The following PSMD6 variants were observed in gnomAD, a reference collection of about 807,000 sequenced individuals.
PSMD6 encodes proteasome 26S subunit, non-ATPase 6, also known as 26S proteasome non-ATPase regulatory subunit 6.
Under a neutral mutation model 44.9 loss-of-function variants are expected in PSMD6, and 7 were observed. The observed-to-expected ratio is 0.16, with a 90% CI of 0.09 to 0.29. The LOEUF is 0.29. Among genes scored for constraint, PSMD6 ranks in the 10% least tolerant of loss-of-function variants. The probability of loss-of-function intolerance (pLI) is 1.00; values close to 1 mark genes in which losing one functional copy is unlikely to be tolerated. For missense variants in PSMD6, 420 were observed against 482.6 expected (o/e 0.87, Z 1.21); for synonymous variants, 184 against 172.7 (o/e 1.07, Z -0.51).
At chr3:64,012,729 C>T (rs965217047) in intron 6 of PSMD6, 3 of 152,328 alleles carry the variant, frequency 2.0e-5, no homozygotes, top group African/African-American at 7.2e-5. Flanking sequence ...TTTTCTATTC[C>T]CTTTTCTGCA....
chr3:64,010,890 A>G lies in PSMD6; in HGVS notation c.1061T>C (p.Val354Ala). ...HCKIDKVNEI[V>A]ETNRPDSKNW... Reference sequence around the variant, plus strand: ...GAAATGAGAGTACCTGTTGGTTTCTACTATTTCATTCACTTTATCTATTTT... The same window carrying G: ...GAAATGAGAGTACCTGTTGGTTTCTGCTATTTCATTCACTTTATCTATTTT... Residue 354 changes from valine (V) to alanine (A), a missense_variant, in exon 7 of 8, where the codon GTA (valine) becomes GCA (alanine). Coordinates refer to ENST00000295901, the MANE Select transcript of PSMD6 (RefSeq NM_014814.3). The G allele has an allele frequency of 7.5e-6, 12 of 1,610,062 alleles. No individual in the cohort carries two copies. Among genetic ancestry groups the G allele is most frequent in the Non-Finnish European group, 1.0e-5 (12 of 1,177,216 alleles).
At chr3:64,013,680 C>G in intron 5 of PSMD6, 73 bp from the exon 6 acceptor site, 2 of 1,357,418 alleles carry the variant, frequency 1.5e-6, no homozygotes, top group Non-Finnish European at 9.9e-7. Flanking sequence ...TAAAGCAACA[C>G]TACTAGTTGA....
chr3:64,023,178 G>A (rs546457011), intron 1 of PSMD6, 97 bp downstream of exon 1: 14 of 1,442,704 alleles, frequency 9.7e-6, no homozygotes, highest in Non-Finnish European at 1.3e-5. Context: ...CCCCGTCAGA[G>A]GGGTCTGGAG....
At chr3:64,014,285 A>ACTACT (rs1421709799) in intron 5 of PSMD6, 2 of 152,176 alleles carry the variant, frequency 1.3e-5, no homozygotes, top group Non-Finnish European at 2.9e-5. Flanking sequence ...CCTGTATATC[A>ACTACT]CTACTCTAGA....
chr3:64,017,892 T>C (rs555233886), intron 5 of PSMD6, among the ~76,000 whole-genome samples: 3 of 152,336 alleles, frequency 2.0e-5, no homozygotes, highest in Non-Finnish European at 2.9e-5. Flanking sequence ...CTGGGTCAAC[T>C]TGATGCAAGC....
At chr3:64,022,655 G>A (rs1188762387) in intron 1 of PSMD6, 132 bp from the exon 2 acceptor site, 16 of 1,549,434 alleles carry the variant, frequency 1.0e-5, no homozygotes, top group Non-Finnish European at 1.3e-5. Context: ...GAAGGCATGC[G>A]ATGGCGCTTA....
At chr3:64,018,065 C>G (rs970977133) in intron 5 of PSMD6, among the ~76,000 whole-genome samples, 5 of 152,108 alleles carry the variant, frequency 3.3e-5, no homozygotes, top group African/African-American at 9.7e-5. Context: ...TTTTCTTAAC[C>G]CATAGCCCTT....
At chr3:64,022,123 G>A (rs1310703168) in intron 2 of PSMD6, among the ~76,000 whole-genome samples, 195 bp downstream of exon 2, 1 of 152,202 alleles carries the variant, frequency 6.6e-6, no homozygotes, top group Non-Finnish European at 1.5e-5. Flanking sequence ...CCTAGCTGCT[G>A]TTTGGGGAAA....
At chr3:64,023,177 A>T in intron 1 of PSMD6, 98 bp downstream of exon 1, 1 of 1,441,438 alleles carries the variant, frequency 6.9e-7, no homozygotes, top group Admixed American at 2.7e-5. Flanking sequence ...ACCCCGTCAG[A>T]GGGGTCTGGA....
chr3:64,021,356 G>T (rs1345983206), intron 2 of PSMD6, among the ~76,000 whole-genome samples: 9 of 152,018 alleles, frequency 5.9e-5, no homozygotes, highest in Non-Finnish European at 1.2e-4. Context: ...ATATAATGCT[G>T]AATGAAAAGG....
At position 64,023,409 on chromosome 3, in the gene PSMD6, T is replaced by C. The variant is rs2076165651; in HGVS notation, c.11A>G (p.Glu4Gly). Residue 4 changes from glutamate to glycine, a missense_variant, in exon 1 of 8, where the codon GAG becomes GGG. Transcript: ENST00000295901. ...GGGCAGACCCTCCTCCTCCAGGTTC[T>C]CCAGCGGCATCGCGGCGAAGGGGAC... MPL[E>G]NLEEEGLPKN... The C allele has an allele frequency of 1.3e-6, 2 of 1,599,978 alleles. No homozygotes were observed. The highest frequency in any genetic ancestry group is 1.7e-6 in the Non-Finnish European group (2 of 1,171,010).
At chr3:64,023,656 G>A (rs1046569457), upstream of PSMD6, 4 of 1,453,180 alleles carry the variant, frequency 2.8e-6, no homozygotes, top group Non-Finnish European at 3.6e-6. Flanking sequence ...CGGAGTCCCA[G>A]AGTGGGTGCA....
chr3:64,023,036 C>G (rs555490053), intron 1 of PSMD6: 2 of 1,427,642 alleles, frequency 1.4e-6, no homozygotes, highest in East Asian at 2.5e-5. Flanking sequence ...CGATTCTCCC[C>G]CAAGCTGCCC....
At chr3:64,018,021 G>A (rs2076073953) in intron 5 of PSMD6, among the ~76,000 whole-genome samples, 1 of 152,190 alleles carries the variant, frequency 6.6e-6, no homozygotes, top group East Asian at 1.9e-4. Flanking sequence ...CTACAAACTA[G>A]CTTTGAAGGA....
chr3:64,023,446 G>T lies in PSMD6; in HGVS notation c.-27C>A, dbSNP rs748285062. 6.4e-7 allele frequency: 1 copy of T among 1,569,518 alleles called. No individual in the cohort carries two copies. The highest frequency in any genetic ancestry group is 1.7e-5 in the Admixed American group (1 of 57,194). On this transcript the variant is annotated 5_prime_UTR_variant, in exon 1 of 8. It adds an upstream start codon to the 5' untranslated region. Transcript: ENST00000295901. ...GCGGCGAAGGGGACAGCGGCTGACA[G>T]GACACAACTTGGTTACGACCGGCTG...
At chr3:64,021,077 A>G (rs2076121566) in intron 2 of PSMD6, among the ~76,000 whole-genome samples, 1 of 148,582 alleles carries the variant, frequency 6.7e-6, no homozygotes, top group African/African-American at 2.5e-5. Flanking sequence ...AAAAAAGAAG[A>G]AAAAAAAAAA....
chr3:64,019,091 TA>T (rs2076091854), intron 3 of PSMD6, 54 bp from the exon 4 acceptor site: 1 of 1,492,144 alleles, frequency 6.7e-7, no homozygotes, highest in African/African-American at 1.4e-5. Context: ...GGCCACGTTT[TA>T]AAAACTTGTC....
chr3:64,023,155 C>T, intron 1 of PSMD6, 120 bp downstream of exon 1: 1 of 1,427,298 alleles, frequency 7.0e-7, no homozygotes, highest in Non-Finnish European at 9.1e-7. Flanking sequence ...GAAGCCAGGC[C>T]TGGTCTCTGA....
Position 64,023,439 on chromosome 3 carries a change from G to A in PSMD6, c.-20C>T. 10 of 1,584,344 alleles carry A rather than the reference G, an allele frequency of 6.3e-6. No individual in the cohort carries two copies. Among genetic ancestry groups the A allele is most frequent in the East Asian group, 2.3e-5 (1 of 42,714 alleles). ...CGGCATCGCGGCGAAGGGGACAGCG[G>A]CTGACAGGACACAACTTGGTTACGA... is the stretch of plus-strand genomic sequence containing the variant. On this transcript the variant is annotated 5_prime_UTR_variant, in exon 1 of 8. Coordinates refer to ENST00000295901, the MANE Select transcript of PSMD6 (RefSeq NM_014814.3).
Sources: gnomAD v4.1 joint callset for allele counts (sites outside exome capture counted in the v4.1 genomes callset) on GRCh38, gnomAD v4.1.1 for gene constraint, MANE v1.5 for transcripts, NCBI Gene and HGNC (gene_info 2026-07-23, HGNC 2026-07-21) for gene names.